The following PID1 variants were observed in gnomAD, a reference collection of about 807,000 sequenced individuals.
The protein encoded by PID1 is phosphotyrosine interaction domain containing 1.
In PID1, 10 loss-of-function variants were observed where a neutral mutation model predicts 19.1. The ratio of observed to expected loss-of-function variants is 0.52; its 90% CI spans 0.32 to 0.89. PID1 has a LOEUF of 0.89. Among genes scored for constraint, PID1 ranks in the 40% least tolerant of loss-of-function variants. The pLI is 0.03. For synonymous variants in PID1, 130 were observed against 116.0 expected (o/e 1.12, Z -0.78); for missense variants, 248 against 285.3 (o/e 0.87, Z 0.94).
chr2:229,251,794 C>T (rs1305590204), intron 1 of PID1, among the ~76,000 whole-genome samples: 3 of 152,050 alleles, frequency 2.0e-5, no homozygotes, highest in African/African-American at 7.2e-5. Flanking sequence ...CTGAGGTAGA[C>T]ATTCAGTGCA....
At chr2:229,038,436 G>A (rs1162693941) in intron 2 of PID1, among the ~76,000 whole-genome samples, 1 of 152,000 alleles carries the variant, frequency 6.6e-6, no homozygotes, top group African/African-American at 2.4e-5. Flanking sequence ...ATCCTCCAAA[G>A]GTTACATACT....
At chr2:229,156,729 C>G (rs12476487) in intron 1 of PID1, among the ~76,000 whole-genome samples, 46,060 of 151,962 alleles carry the variant, frequency 0.3, 7,559 homozygotes, top group Non-Finnish European at 0.38. Flanking sequence ...GCCATGCCAC[C>G]TCTGCTCAAA....
At chr2:229,235,254 T>C (rs1218050204) in intron 1 of PID1, among the ~76,000 whole-genome samples, 3 of 152,156 alleles carry the variant, frequency 2.0e-5, no homozygotes, top group African/African-American at 7.2e-5. Flanking sequence ...GTAAGGCAGA[T>C]TCAGGAGGAG....
intron 1 of PID1, among the ~76,000 whole-genome samples, chr2:229,216,695 G>A (rs1691854694): frequency 6.6e-6 from 1 of 152,070 alleles, no homozygotes; most frequent in South Asian, 2.1e-4. Flanking sequence ...ATATGAGGAG[G>A]AAATAAACCA....
chr2:229,154,872 A>C (rs996181534), intron 2 of PID1, among the ~76,000 whole-genome samples: 3 of 152,244 alleles, frequency 2.0e-5, no homozygotes, highest in Non-Finnish European at 2.9e-5. Context: ...TAAATTGATT[A>C]CTATATTCAT....
intron 1 of PID1, among the ~76,000 whole-genome samples, chr2:229,202,188 T>C (rs1691511911): frequency 6.6e-6 from 1 of 152,032 alleles, no homozygotes; most frequent in South Asian, 2.1e-4. Context: ...ACCCACTAAT[T>C]TGACCGTCTG....
intron 1 of PID1, among the ~76,000 whole-genome samples, chr2:229,231,072 C>T (rs576533787): frequency 8.5e-5 from 13 of 152,256 alleles, no homozygotes; most frequent in African/African-American, 3.1e-4. Flanking sequence ...AGTTCTCGCC[C>T]CAGCCAGTGT....
chr2:229,237,571 A>G (rs1489951456), intron 1 of PID1, among the ~76,000 whole-genome samples: 6 of 152,178 alleles, frequency 3.9e-5, no homozygotes, highest in Admixed American at 3.9e-4. Context: ...CTTGCTTCTA[A>G]TTATAAGTGG....
At chr2:229,235,632 A>G (rs1377500914) in intron 1 of PID1, among the ~76,000 whole-genome samples, 1 of 152,194 alleles carries the variant, frequency 6.6e-6, no homozygotes, top group Non-Finnish European at 1.5e-5. Flanking sequence ...ACTGTCCTCC[A>G]CTGTTGCAAT....
chr2:229,060,560 G>T (rs1027827181), intron 2 of PID1, among the ~76,000 whole-genome samples: 9 of 152,034 alleles, frequency 5.9e-5, no homozygotes, highest in Non-Finnish European at 1.0e-4. Flanking sequence ...TGGCTATTGC[G>T]AATAATGCTG....
At chr2:229,122,326 C>T (rs16825759) in intron 2 of PID1, among the ~76,000 whole-genome samples, 2,950 of 152,216 alleles carry the variant, frequency 0.019, 87 homozygotes, top group African/African-American at 0.066. Flanking sequence ...TTTGGCTTAA[C>T]GGCCTTAGCA....
chr2:229,187,922 A>G (rs1416711079), intron 1 of PID1, among the ~76,000 whole-genome samples: 1 of 152,092 alleles, frequency 6.6e-6, no homozygotes, highest in Non-Finnish European at 1.5e-5. Flanking sequence ...TAGCCTCATC[A>G]TCCGCTGAAA....
intron 2 of PID1, among the ~76,000 whole-genome samples, chr2:229,132,488 C>G (rs535651226): frequency 2.6e-5 from 4 of 152,204 alleles, no homozygotes; most frequent in Non-Finnish European, 5.9e-5. Context: ...TGCTTATTAC[C>G]GGCTTGGATT....
At chr2:229,249,697 T>G (rs1027949375) in intron 1 of PID1, among the ~76,000 whole-genome samples, 1 of 152,062 alleles carries the variant, frequency 6.6e-6, no homozygotes. Flanking sequence ...GATGACTCAT[T>G]GCAACTGGAT....
chr2:229,119,495 A>T (rs756740245), intron 2 of PID1, among the ~76,000 whole-genome samples: 4 of 152,172 alleles, frequency 2.6e-5, no homozygotes, highest in Non-Finnish European at 5.9e-5. Context: ...TCTGTTCTTT[A>T]TTTAAAGCCA....
rs1411794265 is a variant in PID1, at chr2:229,139,063, G to GA, written c.177+16754dup. On this transcript the variant is annotated intron_variant, in intron 2 of 2. Transcript: ENST00000392055. ...AGAGAAAGAAAGAAAGAAAGAGAAAGAAAGAAAGAAAGAAAGAAAGAAAGA... is the reference window on the plus strand; with the variant it reads ...AGAGAAAGAAAGAAAGAAAGAGAAAGAAAAGAAAGAAAGAAAGAAAGAAAGA... 2.3e-3 allele frequency among the ~76,000 whole-genome samples: 101 copies of GA among 44,182 alleles called. 7 individuals carry two copies. In the East Asian group the frequency reaches 0.024, roughly 10 times the overall value. 29.0% of individuals were successfully genotyped at this position (44,182 alleles called of 152,430 possible).
chr2:229,100,128 A>G (rs1257005584), intron 2 of PID1, among the ~76,000 whole-genome samples: 1 of 152,184 alleles, frequency 6.6e-6, no homozygotes, highest in African/African-American at 2.4e-5. Flanking sequence ...CAGACACTGG[A>G]CCTGCCAGCA....
At chr2:229,096,538 G>A (rs529479095) in intron 2 of PID1, among the ~76,000 whole-genome samples, 1 of 152,210 alleles carries the variant, frequency 6.6e-6, no homozygotes, top group South Asian at 2.1e-4. Flanking sequence ...ACAGCTTTAG[G>A]ATTAAAGCTC....
At chr2:229,030,573 T>C (rs1693525050) in intron 2 of PID1, among the ~76,000 whole-genome samples, 1 of 126,556 alleles carries the variant, frequency 7.9e-6, no homozygotes, top group African/African-American at 3.2e-5. Context: ...CCTGATTTGC[T>C]CTAAAGGCAC....
Sources: allele counts gnomAD v4.1 joint callset (sites outside exome capture counted in the v4.1 genomes callset), GRCh38; gene constraint gnomAD v4.1.1; transcripts MANE v1.5; gene names NCBI Gene and HGNC (gene_info 2026-07-23, HGNC 2026-07-21).